Variants in NOTUM observed in about 807,000 individuals in gnomAD.
The protein encoded by NOTUM is notum, palmitoleoyl-protein carboxylesterase.
In NOTUM, 36 loss-of-function variants were observed where a neutral mutation model predicts 65.5. The ratio of observed to expected loss-of-function variants is 0.55; its 90% CI spans 0.42 to 0.73. The LOEUF is 0.73. Among genes scored for constraint, NOTUM ranks in the 30% least tolerant of loss-of-function variants. NOTUM has a pLI of 0.00. For missense variants in NOTUM, 659 were observed against 694.2 expected (o/e 0.95, Z 0.57); for synonymous variants, 356 against 297.9 (o/e 1.20, Z -2.01).
Position 81,952,873 on chromosome 17 carries a change from G to T in NOTUM, c.*88C>A. ...GGCTGGGGCCCTGTCCCGAAGAGAC[G>T]GGAGGGCCTGCTGGTGGGGGGTGAG... On this transcript the variant is annotated 3_prime_UTR_variant, in exon 11 of 11. Transcript: ENST00000409678. 2.5e-6 allele frequency: 3 copies of T among 1,210,228 alleles called. No individual in the cohort carries two copies. Among genetic ancestry groups the T allele is most frequent in the Admixed American group, 1.8e-5 (1 of 56,148 alleles). 75.0% of individuals were successfully genotyped at this position (1,210,228 alleles called of 1,614,324 possible).
rs772177780 is a variant in NOTUM, at chr17:81,960,712, G to A, written c.198C>T (p.Phe66=). Residue 66 remains phenylalanine (F), a synonymous_variant, in exon 1 of 11, where the codon TTC becomes TTT. Transcript: ENST00000409678. The surrounding 1 kb of genome is among the most constrained non-coding windows in gnomAD (Gnocchi z 6.4). The part of the protein sequence containing the change: ...FTAVEGNMDS[F]MAQVKSLAQS... ...GCGCCAGGCTCTTGACTTGCGCCATGAAGCTGTCCATGTTACCCTCCACGG... is the reference window on the plus strand; with the variant it reads ...GCGCCAGGCTCTTGACTTGCGCCATAAAGCTGTCCATGTTACCCTCCACGG... 1 of 1,604,392 alleles carries A rather than the reference G, an allele frequency of 6.2e-7. No homozygotes were observed. The highest frequency in any genetic ancestry group is 1.1e-5 in the South Asian group (1 of 89,386).
intron 4 of NOTUM, among the ~76,000 whole-genome samples, 193 bp downstream of exon 4, chr17:81,958,742 C>A (rs1279426405): frequency 6.6e-6 from 1 of 151,996 alleles, no homozygotes; most frequent in Non-Finnish European, 1.5e-5. Context: ...AGGACCATCC[C>A]AGGACAGGAC....
chr17:81,959,279 G>GT, intron 3 of NOTUM, 192 bp downstream of exon 3: 2 of 614,194 alleles, frequency 3.3e-6, no homozygotes, highest in Non-Finnish European at 5.7e-6. Flanking sequence ...GAGCCGCTGG[G>GT]TAAGCGCCTG....
chr17:81,959,250 T>G lies in NOTUM; in HGVS notation c.472+221A>C, dbSNP rs1457898081. The G allele has an allele frequency of 1.8e-5, 11 of 610,778 alleles. No homozygotes were observed. The East Asian group carries it at 3.0e-4, about 17-fold the overall frequency. 37.8% of individuals were successfully genotyped at this position (610,778 alleles called of 1,614,324 possible). A position where few individuals can be genotyped will look rare whatever the true frequency, so the allele number is the denominator to read the frequency against. On this transcript the variant is annotated intron_variant, in intron 3 of 10. Coordinates refer to ENST00000409678, the MANE Select transcript of NOTUM (RefSeq NM_178493.6). ...CTTGACTTCAACCCCTTGCCCTGCTTTGACCCTGGGGAGGGCCAGAGCCGC... is the reference window on the plus strand; with the variant it reads ...CTTGACTTCAACCCCTTGCCCTGCTGTGACCCTGGGGAGGGCCAGAGCCGC...
At chr17:81,959,127 A>C in intron 3 of NOTUM, 132 bp from the exon 4 acceptor site, 1 of 771,408 alleles carries the variant, frequency 1.3e-6, no homozygotes, top group Non-Finnish European at 2.2e-6. Context: ...GCTAGCCCGA[A>C]CCAAGGTTGC....
chr17:81,953,970 G>A (rs1341219522), intron 10 of NOTUM, among the ~76,000 whole-genome samples: 1 of 151,678 alleles, frequency 6.6e-6, no homozygotes, highest in Non-Finnish European at 1.5e-5. Flanking sequence ...TAGAGACAGG[G>A]TTTCACTATA....
In NOTUM at chr17:81,953,094, C is replaced by T. The variant is rs1214654353; in HGVS notation, c.1358G>A (p.Arg453Gln). 5.6e-6 allele frequency: 9 copies of T among 1,613,866 alleles called. No individual in the cohort carries two copies. Among genetic ancestry groups the T allele is most frequent in the South Asian group, 3.3e-5 (3 of 91,076 alleles). ...PHCNPSCPTVRDQFTGQEMNV... is the reference protein window; with the variant it reads ...PHCNPSCPTVQDQFTGQEMNV... ...CATCTCTTGCCCCGTGAACTGGTCT[C>T]GGACGGTGGGGCATGAGGGGTTGCA... is the stretch of plus-strand genomic sequence containing the variant. Residue 453 changes from arginine (R) to glutamine (Q), a missense_variant, in exon 11 of 11, where the codon CGA becomes CAA. Physicochemically the swap from Arg to Gln is conservative, Grantham distance 43 (BLOSUM62 1). Transcript: ENST00000409678.
chr17:81,959,567 C>T lies in NOTUM; in HGVS notation c.377-1G>A. The T allele has an allele frequency of 6.5e-7, 1 of 1,548,818 alleles. No individual in the cohort carries two copies. Among genetic ancestry groups the T allele is most frequent in the Non-Finnish European group, 8.7e-7 (1 of 1,146,362 alleles). On this transcript the variant is annotated splice_acceptor_variant, in intron 2 of 10. Coordinates refer to ENST00000409678, the MANE Select transcript of NOTUM (RefSeq NM_178493.6). LOFTEE classifies it high-confidence loss of function. ...TCGCGGTTGAAGCAGTACCAGCCGC[C>T]TGCGGACACGACCGCCGCTCAGGCC...
In NOTUM at chr17:81,960,504, G is replaced by T. The variant is rs1056180185; in HGVS notation, c.323+83C>A. 5.4e-5 allele frequency: 56 copies of T among 1,034,304 alleles called. No homozygotes were observed. Among genetic ancestry groups the T allele is most frequent in the South Asian group, 1.8e-5 (1 of 54,978 alleles). 64.1% of individuals were successfully genotyped at this position (1,034,304 alleles called of 1,614,324 possible). A position where few individuals can be genotyped will look rare whatever the true frequency, so the allele number is the denominator to read the frequency against. On this transcript the variant is annotated intron_variant, in intron 1 of 10. Transcript: ENST00000409678. This position sits in a 1 kb window ranked among gnomAD's most constrained non-coding sequence, Gnocchi z 6.4. ...CGGAAGCCCTTTCTCCCCGGGGAGAGAACGGCCGCGGCCCGCAGGGAAGGT... is the reference window on the plus strand; with the variant it reads ...CGGAAGCCCTTTCTCCCCGGGGAGATAACGGCCGCGGCCCGCAGGGAAGGT...
Position 81,960,871 on chromosome 17 carries a change from C to A in NOTUM, c.39G>T (p.Leu13=). 1 of 1,413,268 alleles carries A rather than the reference C, an allele frequency of 7.1e-7. No homozygotes were observed. The highest frequency in any genetic ancestry group is 2.9e-5 in the Admixed American group (1 of 34,538). 87.5% of individuals were successfully genotyped at this position (1,413,268 alleles called of 1,614,324 possible). ...CCTCGCTGCCCCCGGCGCAGTGCAG[C>A]AGGCTCAGCAGCAGCAGCACGCGCA... is the stretch of plus-strand genomic sequence containing the variant. The part of the protein sequence containing the change: ...RGVRVLLLLS[L]LHCAGGSEGR... Residue 13 remains leucine (L), a synonymous_variant, in exon 1 of 11, where the codon CTG becomes CTT. Transcript: ENST00000409678. The surrounding 1 kb of genome is among the most constrained non-coding windows in gnomAD (Gnocchi z 6.4).
In NOTUM at chr17:81,960,880, C is replaced by T; in HGVS notation, c.30G>A (p.Leu10=). Residue 10 remains leucine, a synonymous_variant, in exon 1 of 11, where the codon CTG becomes CTA. Coordinates refer to ENST00000409678, the MANE Select transcript of NOTUM (RefSeq NM_178493.6). This position sits in a 1 kb window ranked among gnomAD's most constrained non-coding sequence, Gnocchi z 6.4. MGRGVRVLL[L]LSLLHCAGGS... Reference sequence around the variant, plus strand: ...CCCCGGCGCAGTGCAGCAGGCTCAGCAGCAGCAGCACGCGCACCCCTCGGC... The same window carrying T: ...CCCCGGCGCAGTGCAGCAGGCTCAGTAGCAGCAGCACGCGCACCCCTCGGC... The T allele has an allele frequency of 2.9e-6, 4 of 1,391,000 alleles. No homozygotes were observed. Among genetic ancestry groups the T allele is most frequent in the Non-Finnish European group, 3.7e-6 (4 of 1,075,500 alleles). The allele number at this position is 1,391,000 out of a possible 1,614,324, so 86.2% of individuals were successfully genotyped here. A position where few individuals can be genotyped will look rare whatever the true frequency, so the allele number is the denominator to read the frequency against.
chr17:81,952,927 C>T lies in NOTUM; in HGVS notation c.*34G>A, dbSNP rs2041398014. 1.9e-6 allele frequency: 3 copies of T among 1,589,548 alleles called. No homozygotes were observed. Among genetic ancestry groups the T allele is most frequent in the African/African-American group, 1.3e-5 (1 of 74,448 alleles). On this transcript the variant is annotated 3_prime_UTR_variant, in exon 11 of 11. Coordinates refer to ENST00000409678, the MANE Select transcript of NOTUM (RefSeq NM_178493.6). ...GCACTGGGGCAGCGGGTGTCTGGGC[C>T]CCTCAGTGCCGGCTCCTCCTCCAGA... is the stretch of plus-strand genomic sequence containing the variant.
At position 81,959,565 on chromosome 17, in the gene NOTUM, G is replaced by A. The variant is rs955081321; in HGVS notation, c.378C>T (p.Gly126=). Residue 126 remains glycine, a splice_region_variant and synonymous_variant, in exon 3 of 11, where the codon GGC becomes GGT. Transcript: ENST00000409678. ...TCTCGCGGTTGAAGCAGTACCAGCCGCCTGCGGACACGACCGCCGCTCAGG... is the reference window on the plus strand; with the variant it reads ...TCTCGCGGTTGAAGCAGTACCAGCCACCTGCGGACACGACCGCCGCTCAGG... ...GSRRWLLFLE[G]GWYCFNRENC... is the part of the protein sequence containing the mutation. The A allele has an allele frequency of 6.5e-7, 1 of 1,548,734 alleles. No individual in the cohort carries two copies. Among genetic ancestry groups the A allele is most frequent in the Admixed American group, 2.0e-5 (1 of 50,972 alleles).
Position 81,955,712 on chromosome 17 carries a change from C to A in NOTUM, c.989-168G>T, listed in dbSNP as rs1462252106. ...CCCACCCCAGGCTCAGAGCTCAGCACCCCCAGGCCCCTGCAGTGCCCCCCA... is the reference window on the plus strand; with the variant it reads ...CCCACCCCAGGCTCAGAGCTCAGCAACCCCAGGCCCCTGCAGTGCCCCCCA... On this transcript the variant is annotated intron_variant, in intron 8 of 10. Transcript: ENST00000409678. Among the ~76,000 whole-genome samples the A allele has an allele frequency of 3.6e-3, 416 of 116,932 alleles. 3 individuals are homozygous for A. Among genetic ancestry groups the A allele is most frequent in the Non-Finnish European group, 5.0e-3 (274 of 55,054 alleles). 76.7% of individuals were successfully genotyped at this position (116,932 alleles called of 152,430 possible).
At position 81,959,529 on chromosome 17, in the gene NOTUM, G is replaced by A; in HGVS notation, c.414C>T (p.Ser138=). ...WYCFNRENCD[S]RYDTMRRLMS... is the part of the protein sequence containing the mutation. Reference sequence around the variant, plus strand: ...TGAGGCGCCGCATGGTGTCGTATCTGGAGTCGCAGTTCTCGCGGTTGAAGC... The same window carrying A: ...TGAGGCGCCGCATGGTGTCGTATCTAGAGTCGCAGTTCTCGCGGTTGAAGC... Residue 138 remains serine, a synonymous_variant, in exon 3 of 11, where the codon TCC becomes TCT. Transcript: ENST00000409678. The A allele has an allele frequency of 1.3e-6, 2 of 1,549,148 alleles. No individual in the cohort carries two copies. The highest frequency in any genetic ancestry group is 2.4e-5 in the East Asian group (1 of 40,878).
At position 81,959,473 on chromosome 17, in the gene NOTUM, G is replaced by A. The variant is rs1389717699; in HGVS notation, c.470C>T (p.Thr157Ile). 6.5e-7 allele frequency: 1 copy of A among 1,546,496 alleles called. No individual in the cohort carries two copies. The highest frequency in any genetic ancestry group is 8.7e-7 in the Non-Finnish European group (1 of 1,145,642). The change falls in exon 3 of 11, where the codon ACA becomes ATA. Residue 157 changes from threonine to isoleucine, a missense_variant and splice_region_variant. Coordinates refer to ENST00000409678, the MANE Select transcript of NOTUM (RefSeq NM_178493.6). ...CTTCCCCAGGGCCCGCCGCTGACCT[G>A]TGCGAGTGCGCGGCCAGTCCCGGGA... ...MSSRDWPRTR[T>I]GTGILSSQPE...
In NOTUM at chr17:81,954,281, G is replaced by A. The variant is rs1426223908; in HGVS notation, c.1159C>T (p.Leu387Phe). Residue 387 changes from leucine to phenylalanine, a missense_variant, in exon 10 of 11, where the codon CTC (leucine) becomes TTC (phenylalanine). Coordinates refer to ENST00000409678, the MANE Select transcript of NOTUM (RefSeq NM_178493.6). ...CTCCGGATGATGATCTCATGGGAGA[G>A]GCAGGCGGGGGCAAAGCTGGCCCTG... ...DVPASFAPAC[L>F]SHEIIIRSHW... 1 of 1,613,116 alleles carries A rather than the reference G, an allele frequency of 6.2e-7. No homozygotes were observed. Among genetic ancestry groups the A allele is most frequent in the Non-Finnish European group, 8.5e-7 (1 of 1,179,116 alleles).
chr17:81,954,124 C>T, intron 10 of NOTUM, 132 bp downstream of exon 10: 1 of 652,702 alleles, frequency 1.5e-6, no homozygotes, highest in Non-Finnish European at 2.8e-6. Context: ...GTGGCTCTGG[C>T]ACCCCTATAA....
Position 81,959,608 on chromosome 17 carries a change from C to A in NOTUM, c.376+32G>T, listed in dbSNP as rs746533122. On this transcript the variant is annotated intron_variant, in intron 2 of 10. Coordinates refer to ENST00000409678, the MANE Select transcript of NOTUM (RefSeq NM_178493.6). ...CGCTCAGGCCCGCGCGCACAGACCC[C>A]CGGCCTCCCCCCGCCTCAGCCCTGG... The A allele has an allele frequency of 9.6e-5, 148 of 1,545,866 alleles. No homozygotes were observed. The African/African-American group carries it at 1.7e-3, about 18-fold the overall frequency.
Sources: gnomAD v4.1 joint callset for allele counts (sites outside exome capture counted in the v4.1 genomes callset) on GRCh38, gnomAD v4.1.1 for gene constraint, Gnocchi (gnomAD v3.1) non-coding constraint, MANE v1.5 for transcripts, NCBI Gene and HGNC (gene_info 2026-07-23, HGNC 2026-07-21) for gene names.